CD48: variants seen among roughly 807,000 people sequenced by gnomAD.
CD48 encodes the protein CD48 antigen.
In CD48, 20 loss-of-function variants were observed where a neutral mutation model predicts 22.0. That is an observed-to-expected ratio of 0.91 (90% CI 0.64 to 1.32). The LOEUF is 1.32. CD48 is among the 40% of genes most tolerant of loss of function. CD48 has a pLI of 0.00. For missense variants in CD48, 307 were observed against 286.5 expected (o/e 1.07, Z -0.52); for synonymous variants, 110 against 110.1 (o/e 1.00, Z 0.01).
intron 2 of CD48, chr1:160,684,319 G>C (rs997219519): frequency 2.5e-5 from 4 of 158,874 alleles, no homozygotes; most frequent in African/African-American, 9.6e-5. Flanking sequence ...GAGATGTGAA[G>C]ATCTTTTTTC....
chr1:160,680,479 A>G (rs748390173), intron 3 of CD48: 12 of 635,432 alleles, frequency 1.9e-5, no homozygotes, highest in South Asian at 7.0e-5. Flanking sequence ...GAAGCTAAGT[A>G]ACTTGTTTAG....
At chr1:160,710,403 T>A (rs571425700) in intron 1 of CD48, among the ~76,000 whole-genome samples, 2 of 140,500 alleles carry the variant, frequency 1.4e-5, no homozygotes, top group African/African-American at 3.0e-5. Flanking sequence ...AGCCCGGGTG[T>A]TATAACCCAG....
chr1:160,679,030 G>A lies in CD48; in HGVS notation c.*22C>T, dbSNP rs374670696. ...CAAGATCTTCTGGCCTTGAAGTTTC[G>A]CTTGAGTTAAAAGAGCTCATCTCAG... is the stretch of plus-strand genomic sequence containing the variant. On this transcript the variant is annotated 3_prime_UTR_variant, in exon 4 of 4. Coordinates refer to ENST00000368046, the MANE Select transcript of CD48 (RefSeq NM_001778.4). 1.4e-4 allele frequency: 220 copies of A among 1,593,020 alleles called. No homozygotes were observed. The highest frequency in any genetic ancestry group is 2.0e-4 in the South Asian group (18 of 90,688).
At chr1:160,702,507 A>G (rs1205100807) in intron 1 of CD48, among the ~76,000 whole-genome samples, 1 of 152,144 alleles carries the variant, frequency 6.6e-6, no homozygotes, top group Non-Finnish European at 1.5e-5. Context: ...GGGGGTTTCC[A>G]TCTACATTAT....
Position 160,697,796 on chromosome 1 carries a change from C to T in CD48, c.83-12607G>A, listed in dbSNP as rs1479002527. Among the ~76,000 whole-genome samples the T allele has an allele frequency of 3.9e-5, 6 of 152,074 alleles. No individual in the cohort carries two copies. In the South Asian group the frequency reaches 8.3e-4, roughly 21 times the overall value. Reference sequence around the variant, plus strand: ...CGAAACTATTATAGATTGGGCACCTCGAGGTCAATTCTACCACAATTGCTC... The same window carrying T: ...CGAAACTATTATAGATTGGGCACCTTGAGGTCAATTCTACCACAATTGCTC... On this transcript the variant is annotated intron_variant, in intron 1 of 3. Coordinates refer to ENST00000368046, the MANE Select transcript of CD48 (RefSeq NM_001778.4).
rs186712742 is a variant in CD48 at position 160,709,316 on chromosome 1, G to A, written c.82+2366C>T. Among the ~76,000 whole-genome samples, 599 of 152,146 alleles carry A rather than the reference G, an allele frequency of 3.9e-3. 2 individuals are homozygous for A. The highest frequency in any genetic ancestry group is 0.013 in the African/African-American group (553 of 41,510). ...CTCTTCCCAGGTTTTCATCTGTATCGGATTCCGCATGTGTCACAATTGCAA... is the reference window on the plus strand; with the variant it reads ...CTCTTCCCAGGTTTTCATCTGTATCAGATTCCGCATGTGTCACAATTGCAA... On this transcript the variant is annotated intron_variant, in intron 1 of 3. Transcript: ENST00000368046.
chr1:160,698,739 G>A (rs970243637), intron 1 of CD48, among the ~76,000 whole-genome samples: 43 of 152,020 alleles, frequency 2.8e-4, no homozygotes, highest in Non-Finnish European at 7.4e-5. Flanking sequence ...CTACAGGGAA[G>A]AGAAGATAAT....
rs1465235543 is a variant in CD48, at chr1:160,681,304, T to C, written c.550A>G (p.Thr184Ala). 6.2e-7 allele frequency: 1 copy of C among 1,614,084 alleles called. No homozygotes were observed. Among genetic ancestry groups the C allele is most frequent in the South Asian group, 1.1e-5 (1 of 91,078 alleles). ...CTGGAGTAATTATGTGGCATAAGGG[T>C]GGTTTCAAGCACACTGTTCTGGAGC... The part of the protein sequence containing the change: ...KELQNSVLET[T>A]LMPHNYSRCY... Residue 184 changes from threonine to alanine, a missense_variant, in exon 3 of 4, where the codon ACC (threonine) becomes GCC (alanine). Coordinates refer to ENST00000368046, the MANE Select transcript of CD48 (RefSeq NM_001778.4).
intron 1 of CD48, among the ~76,000 whole-genome samples, chr1:160,692,877 A>G (rs1455481707): frequency 6.6e-6 from 1 of 152,198 alleles, no homozygotes; most frequent in African/African-American, 2.4e-5. Context: ...AACTCCCCTT[A>G]TATGAGGACA....
intron 1 of CD48, among the ~76,000 whole-genome samples, chr1:160,702,301 A>G (rs966933610): frequency 2.0e-5 from 3 of 152,144 alleles, no homozygotes; most frequent in Non-Finnish European, 4.4e-5. Flanking sequence ...CCTACTGTGG[A>G]GGAGGACAAG....
At position 160,711,674 on chromosome 1, in the gene CD48, G is replaced by A. The variant is rs1266812891; in HGVS notation, c.82+8C>T. 6.2e-7 allele frequency: 1 copy of A among 1,605,692 alleles called. No individual in the cohort carries two copies. The highest frequency in any genetic ancestry group is 1.1e-5 in the South Asian group (1 of 90,912). On this transcript the variant is annotated splice_region_variant and intron_variant, in intron 1 of 3. Transcript: ENST00000368046. The stretch of plus-strand genomic sequence containing the variant: ...CACAATCACAGATACACAGTTGGTG[G>A]AAAGTACCTTGAATGCTGGTCACCA...
In CD48 at chr1:160,678,749, A is replaced by T; in HGVS notation, c.*303T>A. On this transcript the variant is annotated 3_prime_UTR_variant, in exon 4 of 4. Coordinates refer to ENST00000368046, the MANE Select transcript of CD48 (RefSeq NM_001778.4). Reference sequence around the variant, plus strand: ...AGATTTGGGACAACTTCAGGAATTCAGTTAATTGACAATTATATCAAATGT... The same window carrying T: ...AGATTTGGGACAACTTCAGGAATTCTGTTAATTGACAATTATATCAAATGT... 1 of 241,658 alleles carries T rather than the reference A, an allele frequency of 4.1e-6. No individual in the cohort carries two copies. The highest frequency in any genetic ancestry group is 8.1e-6 in the Non-Finnish European group (1 of 123,014). 15.0% of individuals were successfully genotyped at this position (241,658 alleles called of 1,614,324 possible).
At chr1:160,709,052 G>A (rs1168112458) in intron 1 of CD48, among the ~76,000 whole-genome samples, 1 of 152,200 alleles carries the variant, frequency 6.6e-6, no homozygotes, top group Admixed American at 6.5e-5. Context: ...CACATGAAAA[G>A]CACATGAAAG....
chr1:160,693,733 A>G (rs147480721), intron 1 of CD48, among the ~76,000 whole-genome samples: 1,444 of 143,082 alleles, frequency 0.01, 15 homozygotes, highest in African/African-American at 0.034. Context: ...AGGGCTAGTC[A>G]ATGTCGTTCC....
intron 1 of CD48, 83 bp downstream of exon 1, chr1:160,711,599 G>T: frequency 9.6e-7 from 1 of 1,037,480 alleles, no homozygotes; most frequent in East Asian, 2.4e-5. Flanking sequence ...TGGCTTCTAG[G>T]GTTGAACTAC....
At chr1:160,711,194 C>G (rs1662934796) in intron 1 of CD48, among the ~76,000 whole-genome samples, 1 of 152,172 alleles carries the variant, frequency 6.6e-6, no homozygotes, top group South Asian at 2.1e-4. Context: ...GCAATCCTTT[C>G]CAAGCTTTTC....
At chr1:160,706,257 A>C (rs1190514651) in intron 1 of CD48, among the ~76,000 whole-genome samples, 24 of 152,112 alleles carry the variant, frequency 1.6e-4, no homozygotes, top group Admixed American at 1.6e-3. Flanking sequence ...TGTATTTAGT[A>C]GATACGGGGT....
chr1:160,685,607 A>C (rs939482867), intron 1 of CD48, among the ~76,000 whole-genome samples: 3 of 152,226 alleles, frequency 2.0e-5, no homozygotes, highest in African/African-American at 7.2e-5. Context: ...AGACATAAAA[A>C]GTACATGATT....
chr1:160,688,831 A>C (rs1003267440), intron 1 of CD48, among the ~76,000 whole-genome samples: 1 of 152,210 alleles, frequency 6.6e-6, no homozygotes, highest in African/African-American at 2.4e-5. Context: ...TCTCCTGATA[A>C]GAAATAAAAT....
Sources: allele counts gnomAD v4.1 joint callset (sites outside exome capture counted in the v4.1 genomes callset), GRCh38; gene constraint gnomAD v4.1.1; transcripts MANE v1.5; gene names NCBI Gene and HGNC (gene_info 2026-07-23, HGNC 2026-07-21).